Variants in AGBL4 observed in about 807,000 individuals in gnomAD.
AGBL4 encodes cytosolic carboxypeptidase 6.
In AGBL4, 58 loss-of-function variants were observed where a neutral mutation model predicts 66.4. The observed-to-expected ratio is 0.87, with a 90% CI of 0.71 to 1.09. AGBL4 has a LOEUF of 1.09. Ranked by LOEUF, AGBL4 falls within the 50% of genes least tolerant of loss-of-function variation. The probability of loss-of-function intolerance (pLI) is 0.00; values close to 1 mark genes in which losing one functional copy is unlikely to be tolerated. For synonymous variants in AGBL4, 234 were observed against 222.9 expected, an observed-to-expected ratio of 1.05 and a Z score of -0.44; for missense variants, 579 against 631.0, an observed-to-expected ratio of 0.92 and a Z score of 0.88.
At position 48,587,177 on chromosome 1, in the gene AGBL4, CAG is replaced by C. The variant is rs1168949896; in HGVS notation, c.1105-13_1105-12del. ...AAAGGATGTGCTGGACTGTGAAAGA[CAG>C]AGTAGGGAGGAGAGAATCACGGCAC... is the stretch of plus-strand genomic sequence containing the variant. On this transcript the variant is annotated splice_polypyrimidine_tract_variant and intron_variant, in intron 10 of 13. Coordinates refer to ENST00000371839, the MANE Select transcript of AGBL4 (RefSeq NM_032785.4). 1 of 1,547,828 alleles carries C rather than the reference CAG, an allele frequency of 6.5e-7. No homozygotes were observed. Among genetic ancestry groups the C allele is most frequent in the South Asian group, 1.2e-5 (1 of 83,268 alleles).
At chr1:48,763,073 A>G (rs1183323405) in intron 6 of AGBL4, among the ~76,000 whole-genome samples, 3 of 149,976 alleles carry the variant, frequency 2.0e-5, no homozygotes, top group East Asian at 2.0e-4. Flanking sequence ...TCTTCTCTTA[A>G]GCATAAAGTG....
intron 3 of AGBL4, among the ~76,000 whole-genome samples, chr1:49,645,909 A>C (rs1011904375): frequency 5.9e-5 from 9 of 151,580 alleles, no homozygotes; most frequent in Non-Finnish European, 1.2e-4. Context: ...ACAAACTAAA[A>C]AAGAAAAAAA....
intron 3 of AGBL4, among the ~76,000 whole-genome samples, chr1:49,429,708 T>C (rs1471112285): frequency 6.6e-6 from 1 of 152,166 alleles, no homozygotes; most frequent in African/African-American, 2.4e-5. Context: ...CTAGCTGCCC[T>C]TGGGTTTCAG....
chr1:48,650,809 T>G (rs1645917591), intron 8 of AGBL4, among the ~76,000 whole-genome samples: 1 of 152,182 alleles, frequency 6.6e-6, no homozygotes, highest in Non-Finnish European at 1.5e-5. Context: ...GAGTACTATT[T>G]CCCCTCTTAG....
intron 5 of AGBL4, among the ~76,000 whole-genome samples, chr1:49,031,453 G>T (rs561325730): frequency 2.0e-5 from 3 of 151,966 alleles, no homozygotes; most frequent in Non-Finnish European, 4.4e-5. Context: ...AAAAGAGAAC[G>T]TGAAAAGACA....
intron 4 of AGBL4, among the ~76,000 whole-genome samples, chr1:49,207,346 C>T (rs1341057167): frequency 6.6e-6 from 1 of 152,034 alleles, no homozygotes; most frequent in East Asian, 1.9e-4. Flanking sequence ...CAGGATGGTG[C>T]TCCATTGAGT....
chr1:49,191,497 G>A (rs1441548273), intron 4 of AGBL4, among the ~76,000 whole-genome samples: 3 of 152,178 alleles, frequency 2.0e-5, no homozygotes, highest in African/African-American at 7.2e-5. Flanking sequence ...AAGTACACGT[G>A]CAGGTTTGTT....
intron 3 of AGBL4, among the ~76,000 whole-genome samples, chr1:49,677,094 G>A (rs953976830): frequency 2.0e-5 from 3 of 151,808 alleles, no homozygotes; most frequent in Non-Finnish European, 4.4e-5. Context: ...AACATTACCT[G>A]GCACCTCCCA....
chr1:49,595,391 A>T (rs988353290), intron 3 of AGBL4, among the ~76,000 whole-genome samples: 10 of 152,016 alleles, frequency 6.6e-5, no homozygotes, highest in Non-Finnish European at 1.3e-4. Flanking sequence ...ACCTGGCCTC[A>T]TTGTGGTTTT....
intron 6 of AGBL4, among the ~76,000 whole-genome samples, chr1:48,822,791 T>C (rs76479611): frequency 0.026 from 3,915 of 152,288 alleles, 144 homozygotes; most frequent in African/African-American, 0.087. Context: ...CTTTATAGCA[T>C]ACACACACAC....
intron 1 of AGBL4, among the ~76,000 whole-genome samples, chr1:49,901,001 G>A (rs1649712271): frequency 6.6e-6 from 1 of 152,222 alleles, no homozygotes. Flanking sequence ...TTATAGTGAT[G>A]TAGTGTAACA....
intron 5 of AGBL4, among the ~76,000 whole-genome samples, chr1:49,041,436 T>C (rs1248224531): frequency 3.3e-4 from 50 of 152,112 alleles, no homozygotes; most frequent in Non-Finnish European, 1.5e-4. Context: ...AGGTACACCC[T>C]GTACTTCCAT....
intron 6 of AGBL4, among the ~76,000 whole-genome samples, chr1:48,848,337 C>G (rs1048981308): frequency 1.3e-5 from 2 of 152,166 alleles, no homozygotes; most frequent in South Asian, 4.1e-4. Context: ...GCCACTGGCC[C>G]TATAACTGTT....
intron 6 of AGBL4, among the ~76,000 whole-genome samples, chr1:48,866,417 G>A (rs1303194812): frequency 6.6e-6 from 1 of 152,154 alleles, no homozygotes; most frequent in Admixed American, 6.5e-5. Context: ...AAGTGTTAAT[G>A]CCTAGCATAG....
At chr1:49,188,165 T>C (rs913727140) in intron 4 of AGBL4, among the ~76,000 whole-genome samples, 1 of 152,170 alleles carries the variant, frequency 6.6e-6, no homozygotes, top group Non-Finnish European at 1.5e-5. Flanking sequence ...GGTATGTCTT[T>C]ATCAGCAGCA....
chr1:49,058,201 C>T (rs1644340052), intron 4 of AGBL4, among the ~76,000 whole-genome samples: 1 of 152,092 alleles, frequency 6.6e-6, no homozygotes, highest in African/African-American at 2.4e-5. Flanking sequence ...CTTCTCTTTC[C>T]AGCCTGATAT....
chr1:48,935,807 A>AGT (rs1655403948), intron 5 of AGBL4, among the ~76,000 whole-genome samples: 1 of 151,288 alleles, frequency 6.6e-6, no homozygotes, highest in Non-Finnish European at 1.5e-5. Context: ...AAAATACAAA[A>AGT]AATCAGCTGG....
chr1:48,753,243 T>C (rs997385819), intron 6 of AGBL4, among the ~76,000 whole-genome samples: 4 of 152,246 alleles, frequency 2.6e-5, no homozygotes, highest in African/African-American at 9.6e-5. Flanking sequence ...CTGGTTCTCC[T>C]GTCTGTATGT....
chr1:48,907,863 GAAA>G, intron 5 of AGBL4, among the ~76,000 whole-genome samples: 1 of 152,264 alleles, frequency 6.6e-6, no homozygotes, highest in Admixed American at 6.5e-5. Flanking sequence ...CAGAAGGGTA[GAAA>G]CAGTGCCATA....
Sources: gnomAD v4.1 joint callset for allele counts (sites outside exome capture counted in the v4.1 genomes callset) on GRCh38, gnomAD v4.1.1 for gene constraint, MANE v1.5 for transcripts, NCBI Gene and HGNC (gene_info 2026-07-23, HGNC 2026-07-21) for gene names.